NDC1: variants seen among roughly 807,000 people sequenced by gnomAD.
The protein encoded by NDC1 is NDC1 transmembrane nucleoporin.
NDC1 carries 24 observed loss-of-function variants against 89.8 expected under a neutral mutation model. The ratio of observed to expected loss-of-function variants is 0.27; its 90% CI spans 0.19 to 0.38. The LOEUF (loss-of-function observed/expected upper bound fraction) is 0.38. Among genes scored for constraint, NDC1 ranks in the 10% least tolerant of loss-of-function variants. NDC1 has a pLI of 1.00. For missense variants in NDC1, 728 were observed against 797.6 expected (o/e 0.91, Z 1.05); for synonymous variants, 296 against 284.8 (o/e 1.04, Z -0.39).
intron 5 of NDC1, among the ~76,000 whole-genome samples, chr1:53,823,358 C>G (rs1045280782): frequency 6.6e-6 from 1 of 152,204 alleles, no homozygotes. Flanking sequence ...TCTGTCAAAG[C>G]TGAAGCCAAA....
intron 5 of NDC1, among the ~76,000 whole-genome samples, chr1:53,824,365 G>A (rs1244351031): frequency 6.6e-6 from 1 of 152,092 alleles, no homozygotes; most frequent in African/African-American, 2.4e-5. Context: ...GCCTCCCAAA[G>A]TGCTTGGATT....
chr1:53,834,708 T>C (rs1467925914), intron 2 of NDC1, among the ~76,000 whole-genome samples: 1 of 152,162 alleles, frequency 6.6e-6, no homozygotes, highest in East Asian at 1.9e-4. Context: ...AAGTAATATA[T>C]GTAAGGAGCT....
At chr1:53,781,151 T>G (rs954518036) in intron 16 of NDC1, among the ~76,000 whole-genome samples, 1 of 152,090 alleles carries the variant, frequency 6.6e-6, no homozygotes, top group Non-Finnish European at 1.5e-5. Flanking sequence ...CCAACGCACT[T>G]AGCCAAAAAA....
rs747809598 is a variant in NDC1, at chr1:53,800,751, A to G, written c.1164T>C (p.Ala388=). Residue 388 remains alanine (A), a synonymous_variant, in exon 11 of 18, where the codon GCT becomes GCC. Coordinates refer to ENST00000371429, the MANE Select transcript of NDC1 (RefSeq NM_018087.5). ...AAGATGAAGACACTCTCCCATTCGT[A>G]GCAGCAGCTTCTTGATAGAGAATCA... is the stretch of plus-strand genomic sequence containing the variant. The part of the protein sequence containing the change: ...QKLILYQEAA[A]TNGRVSSSYP... The G allele has an allele frequency of 1.8e-5, 29 of 1,614,014 alleles. No homozygotes were observed. The highest frequency in any genetic ancestry group is 2.4e-5 in the Non-Finnish European group (28 of 1,179,990).
At chr1:53,802,011 G>A (rs1009572155) in intron 10 of NDC1, among the ~76,000 whole-genome samples, 2 of 152,148 alleles carry the variant, frequency 1.3e-5, no homozygotes, top group South Asian at 2.1e-4. Flanking sequence ...CCAAAGTGCT[G>A]GGATTACAGA....
intron 11 of NDC1, among the ~76,000 whole-genome samples, chr1:53,798,324 C>T (rs1305500001): frequency 1.3e-5 from 2 of 150,970 alleles, no homozygotes; most frequent in Non-Finnish European, 2.9e-5. Context: ...CATGCACAAC[C>T]ACATCCAGCT....
intron 16 of NDC1, among the ~76,000 whole-genome samples, chr1:53,773,539 C>T (rs540028444): frequency 5.0e-4 from 76 of 152,246 alleles, no homozygotes; most frequent in African/African-American, 1.6e-3. Flanking sequence ...TAGTGATCCT[C>T]GTTCACAAAT....
intron 11 of NDC1, among the ~76,000 whole-genome samples, chr1:53,798,633 C>T (rs1173083016): frequency 6.6e-6 from 1 of 151,292 alleles, no homozygotes; most frequent in East Asian, 2.0e-4. Flanking sequence ...CAGCTCACTG[C>T]AACCTCCACC....
chr1:53,820,731 A>G (rs1203562061), intron 5 of NDC1, among the ~76,000 whole-genome samples: 17 of 113,648 alleles, frequency 1.5e-4, no homozygotes, highest in Non-Finnish European at 2.7e-4. Context: ...TTTTTTGGAG[A>G]TAAGAGTCTT....
chr1:53,796,625 T>G, intron 13 of NDC1, 64 bp downstream of exon 13: 1 of 972,886 alleles, frequency 1.0e-6, no homozygotes. Context: ...GACTTACTCA[T>G]GTGAGATCCT....
At chr1:53,788,281 A>C (rs184244343) in intron 15 of NDC1, among the ~76,000 whole-genome samples, 6 of 152,186 alleles carry the variant, frequency 3.9e-5, no homozygotes, top group Admixed American at 2.0e-4. Flanking sequence ...GAGACACAGC[A>C]AGACTCCATC....
rs1649105753 is a variant in NDC1 at position 53,832,697 on chromosome 1, A to G, written c.179-106T>C. The G allele has an allele frequency of 6.4e-6, 4 of 620,566 alleles. No homozygotes were observed. The South Asian group carries it at 8.6e-5, about 13-fold the overall frequency. 38.4% of individuals were successfully genotyped at this position (620,566 alleles called of 1,614,324 possible). ...TGAACCACAATTGTCATTAATTTTA[A>G]AGGTTATCTTTTCTTCAAGAATTTA... is the stretch of plus-strand genomic sequence containing the variant. On this transcript the variant is annotated intron_variant, in intron 2 of 17. Coordinates refer to ENST00000371429, the MANE Select transcript of NDC1 (RefSeq NM_018087.5).
chr1:53,807,711 A>C lies in NDC1; in HGVS notation c.836T>G (p.Phe279Cys). 6.2e-7 allele frequency: 1 copy of C among 1,613,788 alleles called. No homozygotes were observed. The highest frequency in any genetic ancestry group is 8.5e-7 in the Non-Finnish European group (1 of 1,179,690). Residue 279 changes from phenylalanine to cysteine, a missense_variant, in exon 8 of 18, where the codon TTT becomes TGT. By Grantham distance (205) the Phe-to-Cys change is radical. Coordinates refer to ENST00000371429, the MANE Select transcript of NDC1 (RefSeq NM_018087.5). ...LLYHVWLCGVFLLTTWYVSWI... is the reference protein window; with the variant it reads ...LLYHVWLCGVCLLTTWYVSWI... Reference sequence around the variant, plus strand: ...TGAGACATACCAAGTCGTCAGGAGAAAGACACCACACAGCCAGACATGGTA... The same window carrying C: ...TGAGACATACCAAGTCGTCAGGAGACAGACACCACACAGCCAGACATGGTA...
In NDC1 at chr1:53,828,136, T is replaced by C. The variant is rs760006725; in HGVS notation, c.318A>G (p.Ile106Met). The C allele has an allele frequency of 1.2e-6, 2 of 1,614,108 alleles. No homozygotes were observed. Among genetic ancestry groups the C allele is most frequent in the Middle Eastern group, 1.6e-4 (1 of 6,062 alleles). ...PSIPCSRLAL[I>M]GKIIHPQQLM... is the part of the protein sequence containing the mutation. ...GTTGCTGAGGATGAATGATCTTCCC[T>C]ATCAGAGCTAGTCTGGAGCAAGGAA... is the stretch of plus-strand genomic sequence containing the variant. The change falls in exon 4 of 18, where the codon ATA (isoleucine) becomes ATG (methionine). Residue 106 changes from isoleucine to methionine, a missense_variant. Ile to Met is a conservative substitution (Grantham distance 10). Coordinates refer to ENST00000371429, the MANE Select transcript of NDC1 (RefSeq NM_018087.5).
chr1:53,794,385 C>A (rs1352861055), intron 13 of NDC1, among the ~76,000 whole-genome samples: 2 of 152,192 alleles, frequency 1.3e-5, no homozygotes, highest in Non-Finnish European at 2.9e-5. Flanking sequence ...ATACTCTCAC[C>A]CAAAGCTGCA....
intron 16 of NDC1, among the ~76,000 whole-genome samples, chr1:53,783,291 A>G (rs1367864181): frequency 6.7e-6 from 1 of 149,898 alleles, no homozygotes. Flanking sequence ...TGTAGAGTGG[A>G]AAAAAAAAAG....
chr1:53,770,819 G>A (rs1647106386), intron 17 of NDC1, among the ~76,000 whole-genome samples: 1 of 150,526 alleles, frequency 6.6e-6, no homozygotes, highest in Non-Finnish European at 1.5e-5. Flanking sequence ...CACGCCCAGT[G>A]AATTTTTGTA....
chr1:53,778,911 G>T (rs1466250658), intron 16 of NDC1, among the ~76,000 whole-genome samples: 1 of 152,036 alleles, frequency 6.6e-6, no homozygotes, highest in Non-Finnish European at 1.5e-5. Flanking sequence ...GGAGGCCGAG[G>T]CAGGCAGATC....
intron 1 of NDC1, among the ~76,000 whole-genome samples, 154 bp downstream of exon 1, chr1:53,838,051 C>T (rs920164337): frequency 2.0e-5 from 3 of 152,252 alleles, no homozygotes; most frequent in Non-Finnish European, 4.4e-5. Flanking sequence ...CTTCCCACAA[C>T]CCTGCAATCA....
Sources: gnomAD v4.1 joint callset for allele counts (sites outside exome capture counted in the v4.1 genomes callset) on GRCh38, gnomAD v4.1.1 for gene constraint, MANE v1.5 for transcripts, NCBI Gene and HGNC (gene_info 2026-07-23, HGNC 2026-07-21) for gene names.